PIAS2: variants seen among roughly 807,000 people sequenced by gnomAD.
PIAS2 encodes E3 SUMO-protein ligase PIAS2.
PIAS2 carries 19 observed loss-of-function variants against 69.7 expected under a neutral mutation model. The ratio of observed to expected loss-of-function variants is 0.27; its 90% confidence interval spans 0.19 to 0.40. PIAS2 has a LOEUF of 0.40. PIAS2 is among the 10% of genes least tolerant of loss of function. PIAS2 has a pLI of 1.00. For synonymous variants in PIAS2, 261 were observed against 263.2 expected, an observed-to-expected ratio of 0.99 and a Z score of 0.08; for missense variants, 624 against 757.0, an observed-to-expected ratio of 0.82 and a Z score of 2.06.
intron 1 of PIAS2, among the ~76,000 whole-genome samples, chr18:46,914,788 G>C (rs1209835151): frequency 1.3e-5 from 2 of 151,992 alleles, no homozygotes; most frequent in East Asian, 3.9e-4. Flanking sequence ...ATCCAGATCG[G>C]CTGACCAATT....
intron 2 of PIAS2, among the ~76,000 whole-genome samples, chr18:46,865,676 T>C (rs1350390493): frequency 6.6e-6 from 1 of 152,192 alleles, no homozygotes; most frequent in African/African-American, 2.4e-5. Flanking sequence ...ATTCCCTAGC[T>C]AAAATATTCT....
chr18:46,910,785 ATTTTAG>A lies in PIAS2; in HGVS notation c.24+6531_24+6536del, dbSNP rs2057174794. On this transcript the variant is annotated intron_variant, in intron 1 of 13. Transcript: ENST00000585916. ...TGGACCTCTGATTAGCACACCAAGT[ATTTTAG>A]ATTCCCACAGCAAAGTTTTCAAAAT... Among the ~76,000 whole-genome samples, 5 of 152,346 alleles carry A rather than the reference ATTTTAG, an allele frequency of 3.3e-5. No individual in the cohort carries two copies. In the South Asian group the frequency reaches 1.0e-3, roughly 32 times the overall value.
At chr18:46,857,655 G>C (rs1385889123) in intron 3 of PIAS2, among the ~76,000 whole-genome samples, 1 of 152,192 alleles carries the variant, frequency 6.6e-6, no homozygotes, top group Non-Finnish European at 1.5e-5. Flanking sequence ...AAGATGGATG[G>C]GGGCATAAAG....
intron 5 of PIAS2, among the ~76,000 whole-genome samples, chr18:46,849,019 G>C (rs1009642380): frequency 6.6e-6 from 1 of 152,122 alleles, no homozygotes; most frequent in Non-Finnish European, 1.5e-5. Flanking sequence ...CTGTCTGCTG[G>C]TATGTCCACT....
rs2054234031 is a variant in PIAS2, at chr18:46,892,624, T to TAGCC, written c.25-1574_25-1571dup. Among the ~76,000 whole-genome samples, 3 of 151,844 alleles carry TAGCC rather than the reference T, an allele frequency of 2.0e-5. No individual in the cohort carries two copies. The South Asian group carries it at 6.2e-4, about 32-fold the overall frequency. Reference sequence around the variant, plus strand: ...CCCGTCTCCACAAAAATTTAAAAATTAGCCAGCCATGGTGGTGTGTGTGCC... The same window carrying TAGCC: ...CCCGTCTCCACAAAAATTTAAAAATTAGCCAGCCAGCCATGGTGGTGTGTGTGCC... On this transcript the variant is annotated intron_variant, in intron 1 of 13. Coordinates refer to ENST00000585916, the MANE Select transcript of PIAS2 (RefSeq NM_004671.5).
rs1599795151 is a variant in PIAS2, at chr18:46,856,037, G to C, written c.585-422C>G. Among the ~76,000 whole-genome samples the C allele has an allele frequency of 3.1e-5, 3 of 97,458 alleles. No individual in the cohort carries two copies. In the Admixed American group the frequency reaches 5.2e-4, roughly 17 times the overall value. The allele number at this position is 97,458 out of a possible 152,430, so 63.9% of individuals were successfully genotyped here. A position where few individuals can be genotyped will look rare whatever the true frequency, so the allele number is the denominator to read the frequency against. On this transcript the variant is annotated intron_variant, in intron 3 of 13. Coordinates refer to ENST00000585916, the MANE Select transcript of PIAS2 (RefSeq NM_004671.5). ...TTTTTTTTTTTTGAGACAGAGTCTTGCCCTGTCGCCCAGGCTGGAGTGCAG... is the reference window on the plus strand; with the variant it reads ...TTTTTTTTTTTTGAGACAGAGTCTTCCCCTGTCGCCCAGGCTGGAGTGCAG...
chr18:46,808,295 AT>A lies in PIAS2; in HGVS notation c.*4137del, dbSNP rs1470230676. 6.6e-6 allele frequency: 1 copy of A among 152,240 alleles called. No homozygotes were observed. Among genetic ancestry groups the A allele is most frequent in the Non-Finnish European group, 1.5e-5 (1 of 68,034 alleles). 9.4% of individuals were successfully genotyped at this position (152,240 alleles called of 1,614,324 possible). A position where few individuals can be genotyped will look rare whatever the true frequency, so the allele number is the denominator to read the frequency against. ...CTGGTGACAGAATCATAGGCAATTA[AT>A]TGTTATACTTTTCTGTATTGTCTAA... On this transcript the variant is annotated 3_prime_UTR_variant, in exon 14 of 14. Transcript: ENST00000585916.
At chr18:46,815,821 C>A in intron 12 of PIAS2, 4 of 993,512 alleles carry the variant, frequency 4.0e-6, no homozygotes, top group Non-Finnish European at 4.8e-6. Flanking sequence ...CCCCGCTGTC[C>A]CCACATCAAG....
In PIAS2 at chr18:46,803,232, G is replaced by T. The variant is rs2040547442; in HGVS notation, c.*9201C>A. On this transcript the variant is annotated 3_prime_UTR_variant, in exon 14 of 14. Coordinates refer to ENST00000585916, the MANE Select transcript of PIAS2 (RefSeq NM_004671.5). ...AAAGCAATGGGTCATAGTTTAATTA[G>T]CAGGTTTAATTTTTCTTTAATGTCT... 6.6e-6 allele frequency: 1 copy of T among 151,974 alleles called. No individual in the cohort carries two copies. Among genetic ancestry groups the T allele is most frequent in the Non-Finnish European group, 1.5e-5 (1 of 67,992 alleles). 9.4% of individuals were successfully genotyped at this position (151,974 alleles called of 1,614,324 possible). A position where few individuals can be genotyped will look rare whatever the true frequency, so the allele number is the denominator to read the frequency against.
At chr18:46,897,299 G>A (rs375759891) in intron 1 of PIAS2, among the ~76,000 whole-genome samples, 6 of 152,230 alleles carry the variant, frequency 3.9e-5, no homozygotes, top group East Asian at 3.9e-4. Context: ...TGCAGGTCTG[G>A]GGCAGGAAAT....
At chr18:46,844,911 T>G (rs1005226748) in intron 6 of PIAS2, 72 bp from the exon 7 acceptor site, 1 of 570,918 alleles carries the variant, frequency 1.8e-6, no homozygotes, top group African/African-American at 1.9e-5. Context: ...GAAATACTTA[T>G]TTAAGAAACT....
chr18:46,884,860 T>G (rs1016347423), intron 2 of PIAS2, among the ~76,000 whole-genome samples: 9 of 151,406 alleles, frequency 5.9e-5, no homozygotes, highest in Non-Finnish European at 1.3e-4. Flanking sequence ...GAGGTTGCGG[T>G]GAGCTGAGAC....
rs529680116 is a variant in PIAS2 at position 46,808,644 on chromosome 18, A to C, written c.*3789T>G. The C allele has an allele frequency of 2.6e-5, 4 of 152,354 alleles. No homozygotes were observed. The highest frequency in any genetic ancestry group is 9.6e-5 in the African/African-American group (4 of 41,582). The allele number at this position is 152,354 out of a possible 1,614,324, so 9.4% of individuals were successfully genotyped here. On this transcript the variant is annotated 3_prime_UTR_variant, in exon 14 of 14. Coordinates refer to ENST00000585916, the MANE Select transcript of PIAS2 (RefSeq NM_004671.5). ...TCCCAAATCACATGAACCTAGGACC[A>C]CTAAATCCAATGTCAGACGTGTTTA...
At position 46,821,283 on chromosome 18, in the gene PIAS2, C is replaced by T. The variant is rs113080982; in HGVS notation, c.1509-211G>A. On this transcript the variant is annotated intron_variant, in intron 11 of 13. Transcript: ENST00000585916. ...ATATCTTGGCTCTCAACAGCAGCTG[C>T]GACATAAGAGCAAGTTGACATTCAA... Among the ~76,000 whole-genome samples the T allele has an allele frequency of 5.2e-3, 797 of 152,134 alleles. 8 individuals carry two copies. The highest frequency in any genetic ancestry group is 0.018 in the African/African-American group (766 of 41,490).
intron 3 of PIAS2, among the ~76,000 whole-genome samples, chr18:46,858,526 A>C (rs1231814772): frequency 6.6e-6 from 1 of 152,158 alleles, no homozygotes; most frequent in Non-Finnish European, 1.5e-5. Flanking sequence ...GCAAGACCCC[A>C]TCTATGCAAA....
chr18:46,895,479 A>C (rs1161466937), intron 1 of PIAS2, among the ~76,000 whole-genome samples: 3 of 152,146 alleles, frequency 2.0e-5, no homozygotes, highest in East Asian at 3.9e-4. Flanking sequence ...AAGAACAGCC[A>C]GGCCAAAAAG....
chr18:46,817,981 C>T, intron 12 of PIAS2: 1 of 985,870 alleles, frequency 1.0e-6, no homozygotes, highest in Non-Finnish European at 1.2e-6. Context: ...TGCAGCGTGT[C>T]ATACTGATAT....
intron 3 of PIAS2, among the ~76,000 whole-genome samples, chr18:46,856,007 T>TTG (rs1555755854): frequency 8.4e-6 from 1 of 118,894 alleles, no homozygotes; most frequent in East Asian, 2.1e-4. Context: ...GTTTTTTTTT[T>TTG]TTTTTTTTTT....
chr18:46,847,797 A>G (rs2046375496), intron 5 of PIAS2, among the ~76,000 whole-genome samples: 2 of 152,240 alleles, frequency 1.3e-5, no homozygotes, highest in South Asian at 2.1e-4. Flanking sequence ...TTCGTTTTAA[A>G]TAGCAAGTAT....
Sources: gnomAD v4.1 joint callset for allele counts (sites outside exome capture counted in the v4.1 genomes callset) on GRCh38, gnomAD v4.1.1 for gene constraint, MANE v1.5 for transcripts, NCBI Gene and HGNC (gene_info 2026-07-23, HGNC 2026-07-21) for gene names.